Variants in STAM observed in about 807,000 individuals in gnomAD.
STAM encodes the protein signal transducing adaptor molecule, also known as signal transducing adapter molecule 1.
Under a neutral mutation model 63.4 loss-of-function variants are expected in STAM, and 16 were observed. That is an observed-to-expected ratio of 0.25 (90% CI 0.17 to 0.38). The LOEUF is 0.38. STAM is among the 10% of genes least tolerant of loss of function. The pLI is 1.00. For missense variants in STAM, 636 were observed against 657.1 expected (o/e 0.97, Z 0.35); for synonymous variants, 238 against 223.9 (o/e 1.06, Z -0.56).
chr10:17,687,169 A>G (rs1325386785), intron 4 of STAM, among the ~76,000 whole-genome samples: 3 of 152,234 alleles, frequency 2.0e-5, no homozygotes, highest in East Asian at 1.9e-4. Context: ...TTATACATCA[A>G]CCATAAAGAG....
intron 2 of STAM, among the ~76,000 whole-genome samples, chr10:17,683,472 T>G (rs1268741774): frequency 6.6e-6 from 1 of 152,180 alleles, no homozygotes; most frequent in African/African-American, 2.4e-5. Flanking sequence ...TATTTTATTT[T>G]CATTTTTCTC....
chr10:17,680,631 T>G (rs1554825238), intron 2 of STAM, among the ~76,000 whole-genome samples: 1 of 152,110 alleles, frequency 6.6e-6, no homozygotes, highest in African/African-American at 2.4e-5. Context: ...GGTCTCACAC[T>G]CCTTGGCTGG....
rs554599766 is a variant in STAM, at chr10:17,693,894, G to C, written c.535+582G>C. Among the ~76,000 whole-genome samples the C allele has an allele frequency of 2.6e-5, 4 of 152,180 alleles. No individual in the cohort carries two copies. The South Asian group carries it at 8.3e-4, about 32-fold the overall frequency. On this transcript the variant is annotated intron_variant, in intron 6 of 13. Transcript: ENST00000377524. Reference sequence around the variant, plus strand: ...TTCAGTTTTGTTAAATGGTTGTTATGATTTCCTTTTCCATTGGCAGTGTAT... The same window carrying C: ...TTCAGTTTTGTTAAATGGTTGTTATCATTTCCTTTTCCATTGGCAGTGTAT...
chr10:17,667,581 G>T (rs1834447640), intron 2 of STAM, among the ~76,000 whole-genome samples: 1 of 152,196 alleles, frequency 6.6e-6, no homozygotes, highest in Non-Finnish European at 1.5e-5. Flanking sequence ...TGGCTATACA[G>T]TGGTGAATAA....
intron 12 of STAM, among the ~76,000 whole-genome samples, chr10:17,707,579 C>T (rs1312671948): frequency 1.3e-5 from 2 of 152,080 alleles, no homozygotes; most frequent in Non-Finnish European, 2.9e-5. Context: ...TAGAGGGCAC[C>T]TGCTTTAGAG....
chr10:17,653,047 T>C (rs1554821712), intron 1 of STAM, among the ~76,000 whole-genome samples: 2 of 152,204 alleles, frequency 1.3e-5, no homozygotes, highest in Admixed American at 6.5e-5. Context: ...TAGCTTAGTT[T>C]ATGCTAATAA....
At chr10:17,671,859 T>G (rs1372830582) in intron 2 of STAM, among the ~76,000 whole-genome samples, 1 of 152,214 alleles carries the variant, frequency 6.6e-6, no homozygotes, top group African/African-American at 2.4e-5. Context: ...ATCCTCATTT[T>G]GAAAAGTTGA....
chr10:17,664,148 G>A (rs1254570864), intron 2 of STAM, among the ~76,000 whole-genome samples: 3 of 151,962 alleles, frequency 2.0e-5, no homozygotes, highest in Non-Finnish European at 2.9e-5. Flanking sequence ...ATGCATAAGC[G>A]TTTACAGAAT....
intron 8 of STAM, among the ~76,000 whole-genome samples, 184 bp downstream of exon 8, chr10:17,697,053 G>A (rs1554827651): frequency 6.6e-6 from 1 of 152,160 alleles, no homozygotes; most frequent in Non-Finnish European, 1.5e-5. Context: ...CTGAGTAGCT[G>A]GGATTACAGG....
intron 2 of STAM, among the ~76,000 whole-genome samples, chr10:17,663,549 C>G (rs537285022): frequency 6.6e-6 from 1 of 152,004 alleles, no homozygotes; most frequent in African/African-American, 2.4e-5. Context: ...CTTCTTCCTT[C>G]CCTCCTTTTT....
At chr10:17,687,520 G>GAAAA in intron 4 of STAM, among the ~76,000 whole-genome samples, 1 of 151,830 alleles carries the variant, frequency 6.6e-6, no homozygotes, top group Admixed American at 6.6e-5. Context: ...GAAAAGAAAA[G>GAAAA]AAAGGAAAAA....
chr10:17,666,385 G>GTTTTTTTTTTTTTTTTTT (rs1425682476), intron 2 of STAM, among the ~76,000 whole-genome samples: 11 of 102,296 alleles, frequency 1.1e-4, no homozygotes, highest in African/African-American at 3.8e-4. Context: ...CCTTGGCTTT[G>GTTTTTTTTTTTTTTTTTT]TATTTTTTTT....
At chr10:17,674,346 G>A (rs1053668204) in intron 2 of STAM, among the ~76,000 whole-genome samples, 6 of 152,114 alleles carry the variant, frequency 3.9e-5, no homozygotes, top group Non-Finnish European at 8.8e-5. Flanking sequence ...AAGTTATGTG[G>A]GTTAACAGCT....
Position 17,644,166 on chromosome 10 carries a change from C to T in STAM, c.-174C>T, listed in dbSNP as rs782735787. ...TTCCTCGGCTCCTTGCTGTTGCCGC[C>T]GCCGCAGCTGCTGCCGCGGTTGGTG... On this transcript the variant is annotated 5_prime_UTR_variant, in exon 1 of 14. Coordinates refer to ENST00000377524, the MANE Select transcript of STAM (RefSeq NM_003473.4). 2 of 671,162 alleles carry T rather than the reference C, an allele frequency of 3.0e-6. No individual in the cohort carries two copies. The highest frequency in any genetic ancestry group is 1.8e-5 in the African/African-American group (1 of 55,048). The allele number at this position is 671,162 out of a possible 1,614,324, so 41.6% of individuals were successfully genotyped here.
At chr10:17,681,132 T>C (rs1279862373) in intron 2 of STAM, among the ~76,000 whole-genome samples, 8 of 152,096 alleles carry the variant, frequency 5.3e-5, no homozygotes, top group African/African-American at 1.7e-4. Flanking sequence ...TGTCAACACT[T>C]ACCATTTTTT....
At chr10:17,652,247 TA>T (rs11313482) in intron 1 of STAM, among the ~76,000 whole-genome samples, 11,860 of 150,234 alleles carry the variant, frequency 0.079, 541 homozygotes, top group Admixed American at 0.12. Flanking sequence ...TCCTTCTGAT[TA>T]AAAAAAAAAT....
chr10:17,665,799 A>C (rs1486499403), intron 2 of STAM, among the ~76,000 whole-genome samples: 1 of 151,754 alleles, frequency 6.6e-6, no homozygotes, highest in Non-Finnish European at 1.5e-5. Context: ...GAAATACTTG[A>C]TTATACCAAA....
At chr10:17,704,124 G>T (rs1221801562) in intron 9 of STAM, among the ~76,000 whole-genome samples, 1 of 152,150 alleles carries the variant, frequency 6.6e-6, no homozygotes, top group Non-Finnish European at 1.5e-5. Context: ...ACAGGGTCTT[G>T]CACTGTTGTC....
intron 2 of STAM, among the ~76,000 whole-genome samples, chr10:17,674,955 T>C (rs1263909359): frequency 6.6e-6 from 1 of 152,360 alleles, no homozygotes; most frequent in Middle Eastern, 3.4e-3. Context: ...AATGACAAAA[T>C]GTGATACAAG....
Sources: gnomAD v4.1 joint callset for allele counts (sites outside exome capture counted in the v4.1 genomes callset) on GRCh38, gnomAD v4.1.1 for gene constraint, MANE v1.5 for transcripts, NCBI Gene and HGNC (gene_info 2026-07-23, HGNC 2026-07-21) for gene names.